ADAMTS2: variants seen among roughly 807,000 people sequenced by gnomAD.
ADAMTS2 encodes the protein A disintegrin and metalloproteinase with thrombospondin motifs 2.
A neutral mutation model predicts 123.0 loss-of-function variants in ADAMTS2; 50 were observed. The ratio of observed to expected loss-of-function variants is 0.41; its 90% confidence interval spans 0.32 to 0.51. The LOEUF (loss-of-function observed/expected upper bound fraction) is 0.51, where lower values mean the gene tolerates loss of function less well. ADAMTS2 is among the 20% of genes least tolerant of loss of function. ADAMTS2 has a pLI of 0.35. For missense variants in ADAMTS2, 1,494 were observed against 1,705.2 expected (o/e 0.88, Z 2.18); for synonymous variants, 678 against 695.4 (o/e 0.98, Z 0.39).
chr5:179,342,252 T>A (rs977956055), intron 2 of ADAMTS2, among the ~76,000 whole-genome samples: 1 of 152,144 alleles, frequency 6.6e-6, no homozygotes, highest in African/African-American at 2.4e-5. Context: ...TGCAACCCCA[T>A]GTCAACTCCC....
intron 5 of ADAMTS2, among the ~76,000 whole-genome samples, chr5:179,178,692 A>G (rs904645361): frequency 6.6e-6 from 1 of 151,440 alleles, no homozygotes; most frequent in Non-Finnish European, 1.5e-5. Flanking sequence ...TGTTTCTTCC[A>G]TTTTCTAATT....
chr5:179,336,233 C>T (rs1388490509), intron 2 of ADAMTS2, among the ~76,000 whole-genome samples: 1 of 152,220 alleles, frequency 6.6e-6, no homozygotes, highest in African/African-American at 2.4e-5. Context: ...CTGTCAACAC[C>T]CTGGACACTC....
At chr5:179,124,512 TCA>T (rs1200109400) in intron 19 of ADAMTS2, among the ~76,000 whole-genome samples, 2 of 152,174 alleles carry the variant, frequency 1.3e-5, no homozygotes, top group African/African-American at 2.4e-5. Context: ...CGGGCTACCC[TCA>T]GTTTCCTGGG....
rs1561706650 is a variant in ADAMTS2, at chr5:179,299,294, CT to C, written c.535-26231del. Among the ~76,000 whole-genome samples the C allele has an allele frequency of 1.4e-4, 19 of 136,998 alleles. 1 individual carries two copies. The highest frequency in any genetic ancestry group is 1.4e-3 in the Admixed American group (18 of 13,078). The allele number at this position is 136,998 out of a possible 152,430, so 89.9% of individuals were successfully genotyped here. ...CCTGTAATCCCAGCACTTTGGGAGG[CT>C]GAGGCGGGCGGATCACGAGGTCAGG... On this transcript the variant is annotated intron_variant, in intron 2 of 21. Transcript: ENST00000251582.
In ADAMTS2 at chr5:179,202,091, A is replaced by G. The variant is rs374462473; in HGVS notation, c.891+5422T>C. On this transcript the variant is annotated intron_variant, in intron 4 of 21. Transcript: ENST00000251582. The surrounding 1 kb of genome is among the most constrained non-coding windows in gnomAD (Gnocchi z 4.0). ...GGGAATATCACGTCTTGTCTTTAACATAGACAGGAAGCAGCCCCTCCAGTG... is the reference window on the plus strand; with the variant it reads ...GGGAATATCACGTCTTGTCTTTAACGTAGACAGGAAGCAGCCCCTCCAGTG... Among the ~76,000 whole-genome samples, 1 of 152,190 alleles carries G rather than the reference A, an allele frequency of 6.6e-6. No homozygotes were observed. The highest frequency in any genetic ancestry group is 1.5e-5 in the Non-Finnish European group (1 of 68,034).
chr5:179,135,964 C>T lies in ADAMTS2; in HGVS notation c.2030G>A (p.Gly677Glu). ...VVSMKRMVHD[G>E]TRCSYKDAFS... ...GGCGTCCTTGTAGGAGCAGCGCGTCCCGTCATGCACCATGCGCTTCATGGA... is the reference window on the plus strand; with the variant it reads ...GGCGTCCTTGTAGGAGCAGCGCGTCTCGTCATGCACCATGCGCTTCATGGA... The change falls in exon 13 of 22, where the codon GGG becomes GAG. Residue 677 changes from glycine to glutamate, a missense_variant. Coordinates refer to ENST00000251582, the MANE Select transcript of ADAMTS2 (RefSeq NM_014244.5). The T allele has an allele frequency of 6.2e-7, 1 of 1,613,408 alleles. No individual in the cohort carries two copies. The highest frequency in any genetic ancestry group is 8.5e-7 in the Non-Finnish European group (1 of 1,180,032).
intron 3 of ADAMTS2, among the ~76,000 whole-genome samples, chr5:179,236,187 T>G (rs1415056718): frequency 2.0e-5 from 3 of 152,172 alleles, no homozygotes; most frequent in Non-Finnish European, 4.4e-5. Flanking sequence ...GCATCGTCCC[T>G]CTGTGCTGTG....
Position 179,242,170 on chromosome 5 carries a change from G to A in ADAMTS2, c.688+30741C>T, listed in dbSNP as rs1196250425. ...GTAGGCCTGGGGCTGCGTATGTGAA[G>A]AGCCAATCTGAGAAGGAAGTCTCTG... On this transcript the variant is annotated intron_variant, in intron 3 of 21. Transcript: ENST00000251582. The surrounding 1 kb of genome is among the most constrained non-coding windows in gnomAD (Gnocchi z 4.2). 1.3e-5 allele frequency among the ~76,000 whole-genome samples: 2 copies of A among 152,210 alleles called. No individual in the cohort carries two copies. The highest frequency in any genetic ancestry group is 2.9e-5 in the Non-Finnish European group (2 of 68,036).
In ADAMTS2 at chr5:179,317,737, G is replaced by A. The variant is rs537269756; in HGVS notation, c.534+26030C>T. On this transcript the variant is annotated intron_variant, in intron 2 of 21. Coordinates refer to ENST00000251582, the MANE Select transcript of ADAMTS2 (RefSeq NM_014244.5). This position sits in a 1 kb window ranked among gnomAD's most constrained non-coding sequence, Gnocchi z 4.9. The stretch of plus-strand genomic sequence containing the variant: ...CACACACGTGTACATTTCAGCACGC[G>A]TCTAGGGGAGGTTAGCGTGCCAGCA... 2.1e-4 allele frequency among the ~76,000 whole-genome samples: 32 copies of A among 152,340 alleles called. 1 individual carries two copies. Among genetic ancestry groups the A allele is most frequent in the Middle Eastern group, 6.8e-3 (2 of 294 alleles).
rs1044835350 is a variant in ADAMTS2, at chr5:179,315,845, C to T, written c.534+27922G>A. On this transcript the variant is annotated intron_variant, in intron 2 of 21. Coordinates refer to ENST00000251582, the MANE Select transcript of ADAMTS2 (RefSeq NM_014244.5). ...AACTGGGGGATCTGGACAGAGCTCT[C>T]GCTGTGTGCTAAGAAAGGAGCAAGA... is the stretch of plus-strand genomic sequence containing the variant. 9.2e-5 allele frequency among the ~76,000 whole-genome samples: 14 copies of T among 152,174 alleles called. No homozygotes were observed. The East Asian group carries it at 2.1e-3, about 23-fold the overall frequency.
chr5:179,297,315 A>T (rs905935758), intron 2 of ADAMTS2, among the ~76,000 whole-genome samples: 7 of 152,150 alleles, frequency 4.6e-5, no homozygotes, highest in Non-Finnish European at 5.9e-5. Context: ...CATTTACAAA[A>T]ATTGATCCCG....
rs766184469 is a variant in ADAMTS2, at chr5:179,115,730, C to T, written c.3179-1406G>A. On this transcript the variant is annotated intron_variant, in intron 21 of 21. Coordinates refer to ENST00000251582, the MANE Select transcript of ADAMTS2 (RefSeq NM_014244.5). The surrounding 1 kb of genome is among the most constrained non-coding windows in gnomAD (Gnocchi z 4.4). Reference sequence around the variant, plus strand: ...AGAAAGGGAGGGAGAAAGGCTCAGGCATTGGATGGGAGCCACATCTGACAG... The same window carrying T: ...AGAAAGGGAGGGAGAAAGGCTCAGGTATTGGATGGGAGCCACATCTGACAG... 2.6e-5 allele frequency among the ~76,000 whole-genome samples: 4 copies of T among 151,344 alleles called. No individual in the cohort carries two copies. The highest frequency in any genetic ancestry group is 5.9e-5 in the Non-Finnish European group (4 of 68,002).
At chr5:179,161,136 G>C (rs138496623) in intron 5 of ADAMTS2, among the ~76,000 whole-genome samples, 1 of 152,200 alleles carries the variant, frequency 6.6e-6, no homozygotes, top group Non-Finnish European at 1.5e-5. Context: ...AAGGGAGTGG[G>C]TATCTGCATC....
intron 5 of ADAMTS2, among the ~76,000 whole-genome samples, chr5:179,168,337 C>G (rs10071352): frequency 0.42 from 63,630 of 151,964 alleles, 13,562 homozygotes; most frequent in Non-Finnish European, 0.45. Context: ...GGACAAGGAG[C>G]CTGAAGCTGG....
intron 19 of ADAMTS2, 171 bp from the exon 20 acceptor site, chr5:179,122,944 C>T: frequency 1.1e-6 from 1 of 926,076 alleles, no homozygotes; most frequent in Non-Finnish European, 1.7e-6. Flanking sequence ...GGGGGCAGCC[C>T]CAATCTCCTG....
intron 2 of ADAMTS2, among the ~76,000 whole-genome samples, chr5:179,304,056 G>C (rs1363124258): frequency 6.6e-6 from 1 of 152,176 alleles, no homozygotes; most frequent in African/African-American, 2.4e-5. Context: ...GTGGACCAAT[G>C]CCCAGGTCCC....
chr5:179,198,203 G>T (rs980969124), intron 4 of ADAMTS2, among the ~76,000 whole-genome samples: 9 of 152,218 alleles, frequency 5.9e-5, no homozygotes, highest in Admixed American at 5.2e-4. Context: ...CCCAGGGGAG[G>T]CAGCAACGCA....
intron 2 of ADAMTS2, among the ~76,000 whole-genome samples, chr5:179,298,343 G>C (rs77881750): frequency 0.012 from 1,791 of 152,248 alleles, 29 homozygotes; most frequent in African/African-American, 0.041. Context: ...ATGAGGTCAT[G>C]AGGGTGGGGA....
intron 5 of ADAMTS2, among the ~76,000 whole-genome samples, chr5:179,166,122 T>C (rs114101931): frequency 6.6e-6 from 1 of 152,136 alleles, no homozygotes; most frequent in Admixed American, 6.5e-5. Context: ...AGGGTCCTCC[T>C]TGGCCATCAT....
Sources: allele counts gnomAD v4.1 joint callset (sites outside exome capture counted in the v4.1 genomes callset), GRCh38; gene constraint gnomAD v4.1.1; non-coding constraint Gnocchi (gnomAD v3.1); transcripts MANE v1.5; gene names NCBI Gene and HGNC (gene_info 2026-07-23, HGNC 2026-07-21).